The following OTUB1 variants were observed in gnomAD, a reference collection of about 807,000 sequenced individuals.
OTUB1 encodes ubiquitin thioesterase OTUB1.
In OTUB1, 10 loss-of-function variants were observed where a neutral mutation model predicts 35.8. The ratio of observed to expected loss-of-function variants is 0.28; its 90% confidence interval spans 0.17 to 0.47. The LOEUF is 0.47. Ranked by LOEUF, OTUB1 falls within the 20% of genes least tolerant of loss-of-function variation. OTUB1 has a pLI of 0.99. For synonymous variants in OTUB1, 158 were observed against 143.8 expected (o/e 1.10, Z -0.71); for missense variants, 264 against 351.6 (o/e 0.75, Z 1.99).
chr11:63,992,033 C>T (rs1408010625), intron 3 of OTUB1, among the ~76,000 whole-genome samples: 4 of 152,118 alleles, frequency 2.6e-5, no homozygotes. Flanking sequence ...GCATGACTAA[C>T]ATGGTGAAAC....
intron 3 of OTUB1, among the ~76,000 whole-genome samples, chr11:63,993,521 G>A (rs375673202): frequency 1.3e-5 from 2 of 152,070 alleles, no homozygotes; most frequent in South Asian, 2.1e-4. Flanking sequence ...AAAATTAGCC[G>A]GGCATAGTGG....
At chr11:63,992,214 CAAAA>C (rs907573779) in intron 3 of OTUB1, among the ~76,000 whole-genome samples, 3 of 135,358 alleles carry the variant, frequency 2.2e-5, no homozygotes, top group African/African-American at 5.5e-5. Context: ...AACTCCACCT[CAAAA>C]AAAAAAAAGA....
At chr11:63,988,434 A>G in intron 2 of OTUB1, 36 bp downstream of exon 2, 1 of 1,542,056 alleles carries the variant, frequency 6.5e-7, no homozygotes, top group Middle Eastern at 1.8e-4. Context: ...GGCAGTGGCC[A>G]GCAGCCCCAT....
rs1210823239 is a variant in OTUB1, at chr11:63,998,317, TC to T, written c.*772del. On this transcript the variant is annotated 3_prime_UTR_variant, in exon 7 of 7. Coordinates refer to ENST00000538426, the MANE Select transcript of OTUB1 (RefSeq NM_017670.3). ...CATTGCCTGCCTTTTTGCCTTCACC[TC>T]TTTTCTTCCCCGCCCCCTGCACATT... 1 of 171,722 alleles carries T rather than the reference TC, an allele frequency of 5.8e-6. No homozygotes were observed. The highest frequency in any genetic ancestry group is 2.4e-5 in the African/African-American group (1 of 41,774). 10.6% of individuals were successfully genotyped at this position (171,722 alleles called of 1,614,324 possible).
intron 3 of OTUB1, among the ~76,000 whole-genome samples, chr11:63,994,292 G>T (rs1942698263): frequency 1.3e-5 from 2 of 152,082 alleles, no homozygotes; most frequent in Non-Finnish European, 2.9e-5. Context: ...TCCCTTTGTT[G>T]CCCAGGCTGG....
chr11:63,996,339 T>C (rs1486022992), intron 3 of OTUB1, among the ~76,000 whole-genome samples, 191 bp from the exon 4 acceptor site: 1 of 152,204 alleles, frequency 6.6e-6, no homozygotes, highest in Non-Finnish European at 1.5e-5. Context: ...TGCCGTCTTT[T>C]GGGAGGACTC....
intron 5 of OTUB1, 39 bp downstream of exon 5, chr11:63,996,980 A>T: frequency 6.2e-7 from 1 of 1,612,752 alleles, no homozygotes; most frequent in Non-Finnish European, 8.5e-7. Context: ...GCCATGGGGG[A>T]GGGGTTCACC....
In OTUB1 at chr11:63,997,890, C is replaced by T. The variant is rs898476250; in HGVS notation, c.*344C>T. On this transcript the variant is annotated 3_prime_UTR_variant, in exon 7 of 7. Transcript: ENST00000538426. The stretch of plus-strand genomic sequence containing the variant: ...GGGTTCTGCTTCCTTCCCTTCTTAG[C>T]TGGCTCAGGGGCTTCTATGGGATCC... 2 of 630,502 alleles carry T rather than the reference C, an allele frequency of 3.2e-6. No individual in the cohort carries two copies. The highest frequency in any genetic ancestry group is 3.7e-5 in the African/African-American group (2 of 54,642). The allele number at this position is 630,502 out of a possible 1,614,324, so 39.1% of individuals were successfully genotyped here.
At position 63,986,472 on chromosome 11, in the gene OTUB1, C is replaced by A. The variant is rs1169307056; in HGVS notation, c.16C>A (p.Pro6Thr). 9.6e-6 allele frequency: 15 copies of A among 1,555,390 alleles called. No homozygotes were observed. The highest frequency in any genetic ancestry group is 1.3e-5 in the Non-Finnish European group (15 of 1,149,782). MAAEE[P>T]QQQKQEPLGS... Reference sequence around the variant, plus strand: ...CTGTTTAAAGATGGCGGCGGAGGAACCTCAGCAGCAGAAGCAGGAGCCGCT... The same window carrying A: ...CTGTTTAAAGATGGCGGCGGAGGAAACTCAGCAGCAGAAGCAGGAGCCGCT... Residue 6 changes from proline (P) to threonine (T), a missense_variant, in exon 1 of 7, where the codon CCT becomes ACT. By Grantham distance (38) the Pro-to-Thr change is conservative. Around this residue, in one of 2 missense-constraint regions of OTUB1, gnomAD observed 50 missense variants for 34.5 expected, o/e 1.45. Transcript: ENST00000538426.
intron 1 of OTUB1, chr11:63,986,812 T>C: frequency 2.6e-6 from 1 of 382,518 alleles, no homozygotes; most frequent in Non-Finnish European, 4.7e-6. Context: ...GGCTCCTGGC[T>C]CCAGGGGCCC....
At chr11:63,992,016 G>A (rs1256161836) in intron 3 of OTUB1, among the ~76,000 whole-genome samples, 1 of 152,128 alleles carries the variant, frequency 6.6e-6, no homozygotes, top group African/African-American at 2.4e-5. Context: ...TCAGGAGTTC[G>A]AGACCAGCAT....
In OTUB1 at chr11:63,996,533, C is replaced by T; in HGVS notation, c.223C>T (p.Leu75Phe). Residue 75 changes from leucine to phenylalanine, a missense_variant, in exon 4 of 7, where the codon CTC (leucine) becomes TTC (phenylalanine). Physicochemically the swap from Leu to Phe is conservative, Grantham distance 22. Coordinates refer to ENST00000538426, the MANE Select transcript of OTUB1 (RefSeq NM_017670.3). ...CGGGGTGGGGCTGTCTCCGCAGGAC[C>T]TCCACAAAAAGTACTCGTACATCCG... is the stretch of plus-strand genomic sequence containing the variant. ...DNIYQQKIKD[L>F]HKKYSYIRKT... 1 of 1,614,098 alleles carries T rather than the reference C, an allele frequency of 6.2e-7. No homozygotes were observed. The highest frequency in any genetic ancestry group is 8.5e-7 in the Non-Finnish European group (1 of 1,179,980).
At chr11:63,994,833 G>A (rs1345489831) in intron 3 of OTUB1, among the ~76,000 whole-genome samples, 1 of 152,214 alleles carries the variant, frequency 6.6e-6, no homozygotes, top group Non-Finnish European at 1.5e-5. Flanking sequence ...AGCCTCCCGA[G>A]GGAGAAAAGA....
Position 63,997,877 on chromosome 11 carries a change from C to T in OTUB1, c.*331C>T. 2 of 645,172 alleles carry T rather than the reference C, an allele frequency of 3.1e-6. No homozygotes were observed. The highest frequency in any genetic ancestry group is 5.6e-6 in the Non-Finnish European group (2 of 358,692). 40.0% of individuals were successfully genotyped at this position (645,172 alleles called of 1,614,324 possible). A position where few individuals can be genotyped will look rare whatever the true frequency, so the allele number is the denominator to read the frequency against. On this transcript the variant is annotated 3_prime_UTR_variant, in exon 7 of 7. Transcript: ENST00000538426. Reference sequence around the variant, plus strand: ...CTCCTGCTTCGTTGGGTTCTGCTTCCTTCCCTTCTTAGCTGGCTCAGGGGC... The same window carrying T: ...CTCCTGCTTCGTTGGGTTCTGCTTCTTTCCCTTCTTAGCTGGCTCAGGGGC...
chr11:63,991,352 C>T (rs1382456373), intron 3 of OTUB1, among the ~76,000 whole-genome samples: 1 of 152,144 alleles, frequency 6.6e-6, no homozygotes, highest in East Asian at 1.9e-4. Flanking sequence ...TCCAGTGGGA[C>T]CCCCCATGCC....
intron 1 of OTUB1, among the ~76,000 whole-genome samples, chr11:63,987,262 A>T (rs1158897441): frequency 6.6e-6 from 1 of 152,208 alleles, no homozygotes; most frequent in African/African-American, 2.4e-5. Context: ...TGGGATGGCG[A>T]GCCCCAAAAG....
At chr11:63,994,679 G>A (rs1942701363) in intron 3 of OTUB1, among the ~76,000 whole-genome samples, 1 of 152,254 alleles carries the variant, frequency 6.6e-6, no homozygotes, top group South Asian at 2.1e-4. Context: ...GACAAGGAGA[G>A]GGTGGGGGCG....
Position 63,996,658 on chromosome 11 carries a change from G to A in OTUB1, c.338+10G>A. Reference sequence around the variant, plus strand: ...GCAAGGAGTTGCAGCGGTGAGAAGGGTGGGCACTGGGCACCGAGGCAGGTG... The same window carrying A: ...GCAAGGAGTTGCAGCGGTGAGAAGGATGGGCACTGGGCACCGAGGCAGGTG... On this transcript the variant is annotated intron_variant, in intron 4 of 6. Transcript: ENST00000538426. 1 of 1,614,200 alleles carries A rather than the reference G, an allele frequency of 6.2e-7. No homozygotes were observed. The highest frequency in any genetic ancestry group is 1.1e-5 in the South Asian group (1 of 91,084).
intron 3 of OTUB1, among the ~76,000 whole-genome samples, chr11:63,992,557 T>G (rs536175912): frequency 6.6e-6 from 1 of 151,186 alleles, no homozygotes; most frequent in South Asian, 2.1e-4. Flanking sequence ...TTCTTTTTTT[T>G]TGAGAGAGAG....
Sources: gnomAD v4.1 joint callset for allele counts (sites outside exome capture counted in the v4.1 genomes callset) on GRCh38, gnomAD v4.1.1 for gene constraint, gnomAD v4.1.1 regional missense constraint, MANE v1.5 for transcripts, NCBI Gene and HGNC (gene_info 2026-07-23, HGNC 2026-07-21) for gene names.